The following ZBED4 variants were observed in gnomAD, a reference collection of about 807,000 sequenced individuals.
ZBED4 encodes the protein zinc finger BED domain-containing protein 4.
ZBED4 carries 4 observed loss-of-function variants against 15.5 expected under a neutral mutation model. That is an observed-to-expected ratio of 0.26 (90% CI 0.13 to 0.59). The LOEUF is 0.59. Among genes scored for constraint, ZBED4 ranks in the 20% least tolerant of loss-of-function variants. The pLI is 0.90. For synonymous variants in ZBED4, 692 were observed against 608.5 expected, an observed-to-expected ratio of 1.14 and a Z score of -2.02; for missense variants, 1,323 against 1,461.8, an observed-to-expected ratio of 0.91 and a Z score of 1.55.
At position 49,884,838 on chromosome 22, in the gene ZBED4, G is replaced by A; in HGVS notation, c.1176G>A (p.Arg392=). The change falls in exon 2 of 2, where the codon AGG becomes AGA. Residue 392 remains arginine (R), a synonymous_variant. Transcript: ENST00000216268. ...ESPSASSSPD[R]LTEDLQSHLN... ...CTTCGGCCTCCTCCTCCCCTGACAG[G>A]CTGACTGAGGACTTGCAGTCTCACT... 6.2e-7 allele frequency: 1 copy of A among 1,610,502 alleles called. No homozygotes were observed. Among genetic ancestry groups the A allele is most frequent in the Non-Finnish European group, 8.5e-7 (1 of 1,177,396 alleles).
chr22:49,856,263 C>T (rs1258486463), intron 1 of ZBED4, among the ~76,000 whole-genome samples: 2 of 152,196 alleles, frequency 1.3e-5, no homozygotes, highest in Non-Finnish European at 2.9e-5. Flanking sequence ...CTGCTGGGGC[C>T]ATGGTGGTTT....
intron 1 of ZBED4, among the ~76,000 whole-genome samples, chr22:49,873,609 T>C (rs891589582): frequency 6.6e-6 from 1 of 151,258 alleles, no homozygotes; most frequent in South Asian, 2.1e-4. Flanking sequence ...TGGACGTGCT[T>C]GATGCAGGAT....
At chr22:49,875,571 C>G (rs993181699) in intron 1 of ZBED4, among the ~76,000 whole-genome samples, 1 of 151,914 alleles carries the variant, frequency 6.6e-6, no homozygotes, top group Non-Finnish European at 1.5e-5. Flanking sequence ...CAGGTGCGCA[C>G]CACCACGCCC....
At chr22:49,870,411 C>T (rs898057500) in intron 1 of ZBED4, among the ~76,000 whole-genome samples, 4 of 152,196 alleles carry the variant, frequency 2.6e-5, no homozygotes, top group East Asian at 3.8e-4. Flanking sequence ...CACTGCTCTC[C>T]GCAGTGGCTG....
At chr22:49,871,762 T>TTTA (rs1555923879) in intron 1 of ZBED4, among the ~76,000 whole-genome samples, 1 of 149,178 alleles carries the variant, frequency 6.7e-6, no homozygotes, top group Non-Finnish European at 1.5e-5. Flanking sequence ...TATTTATTTT[T>TTTA]TTTTTTTTTT....
At chr22:49,859,556 C>T (rs545547075) in intron 1 of ZBED4, among the ~76,000 whole-genome samples, 1 of 152,220 alleles carries the variant, frequency 6.6e-6, no homozygotes, top group East Asian at 1.9e-4. Context: ...GCCTGGGTTC[C>T]TTTTAGTGCA....
intron 1 of ZBED4, among the ~76,000 whole-genome samples, chr22:49,856,609 A>C (rs1210431001): frequency 6.6e-6 from 1 of 152,196 alleles, no homozygotes; most frequent in Non-Finnish European, 1.5e-5. Context: ...GGGGACATGC[A>C]GCCTAAATGA....
chr22:49,856,058 A>G (rs1263201367), intron 1 of ZBED4, among the ~76,000 whole-genome samples: 2 of 152,176 alleles, frequency 1.3e-5, no homozygotes, highest in Non-Finnish European at 2.9e-5. Flanking sequence ...CCAGCCTTCC[A>G]GGCCCTTCTG....
chr22:49,857,941 T>G (rs1015771763), intron 1 of ZBED4, among the ~76,000 whole-genome samples: 2 of 151,100 alleles, frequency 1.3e-5, no homozygotes, highest in African/African-American at 4.9e-5. Context: ...TTTTTGCATT[T>G]TTAGTAGAGA....
chr22:49,875,521 A>C (rs1339315615), intron 1 of ZBED4, among the ~76,000 whole-genome samples: 1 of 151,216 alleles, frequency 6.6e-6, no homozygotes, highest in Non-Finnish European at 1.5e-5. Context: ...CCCGGGTTCC[A>C]GGGATTCTCC....
intron 1 of ZBED4, among the ~76,000 whole-genome samples, chr22:49,858,896 G>A (rs900550599): frequency 6.6e-6 from 1 of 152,202 alleles, no homozygotes; most frequent in South Asian, 2.1e-4. Flanking sequence ...TGATCTGGCG[G>A]TGGGAGGCCT....
intron 1 of ZBED4, among the ~76,000 whole-genome samples, chr22:49,859,768 G>A (rs2060289154): frequency 6.6e-6 from 1 of 152,232 alleles, no homozygotes. Context: ...GCTCACACCT[G>A]TAATCTCAGC....
rs748858192 is a variant in ZBED4 at position 49,886,599 on chromosome 22, C to G, written c.2937C>G (p.Asp979Glu). ...EMLFEETMGI[D>E]TMLRSLKEAM... ...TCTTCGAGGAGACGATGGGCATCGA[C>G]ACCATGCTGCGCTCTCTGAAGGAGG... Residue 979 changes from aspartate (D) to glutamate (E), a missense_variant, in exon 2 of 2, where the codon GAC (aspartate) becomes GAG (glutamate). By Grantham distance (45) the Asp-to-Glu change is conservative. This residue lies in a region of ZBED4 where 312 missense variants were observed against 410.7 expected (regional missense o/e 0.76). Transcript: ENST00000216268. This position sits in a 1 kb window ranked among gnomAD's most constrained non-coding sequence, Gnocchi z 7.7. The G allele has an allele frequency of 1.3e-6, 2 of 1,563,018 alleles. No homozygotes were observed. The highest frequency in any genetic ancestry group is 2.7e-5 in the African/African-American group (2 of 73,554).
At position 49,861,279 on chromosome 22, in the gene ZBED4, C is replaced by G. The variant is rs184435341; in HGVS notation, c.-330+7290C>G. On this transcript the variant is annotated intron_variant, in intron 1 of 1. Transcript: ENST00000216268. ...GCCTCAGCCTCCTGAGTAGCTGGGA[C>G]TACAGGCACCCGCCACCACGCCCAG... Among the ~76,000 whole-genome samples the G allele has an allele frequency of 4.2e-3, 635 of 151,906 alleles. 1 individual carries two copies. Among genetic ancestry groups the G allele is most frequent in the Non-Finnish European group, 5.8e-3 (393 of 67,958 alleles).
chr22:49,877,376 C>T (rs1347566406), intron 1 of ZBED4, among the ~76,000 whole-genome samples: 1 of 152,072 alleles, frequency 6.6e-6, no homozygotes, highest in African/African-American at 2.4e-5. Flanking sequence ...ACTGCAACCT[C>T]CGCCTCCCAG....
chr22:49,884,132 T>G lies in ZBED4; in HGVS notation c.470T>G (p.Leu157Arg). Reference protein sequence around the residue: ...KNEKDLSTSCLMRHVRRAHPT... With the variant: ...KNEKDLSTSCRMRHVRRAHPT... The stretch of plus-strand genomic sequence containing the variant: ...GAGAAAGACTTGAGTACCAGTTGTC[T>G]CATGAGGCACGTGAGGCGCGCACAC... The change falls in exon 2 of 2, where the codon CTC (leucine) becomes CGC (arginine). Residue 157 changes from leucine (L) to arginine (R), a missense_variant. Physicochemically the swap from Leu to Arg is moderately radical, Grantham distance 102. This residue lies in a region of ZBED4 where 380 missense variants were observed against 413.7 expected (regional missense o/e 0.92). Transcript: ENST00000216268. 1 of 1,613,800 alleles carries G rather than the reference T, an allele frequency of 6.2e-7. No homozygotes were observed. Among genetic ancestry groups the G allele is most frequent in the Non-Finnish European group, 8.5e-7 (1 of 1,179,920 alleles).
At chr22:49,868,377 C>T (rs571332510) in intron 1 of ZBED4, among the ~76,000 whole-genome samples, 9 of 152,244 alleles carry the variant, frequency 5.9e-5, no homozygotes, top group East Asian at 3.9e-4. Context: ...ATCAGGAGTT[C>T]GACACCAGCC....
intron 1 of ZBED4, among the ~76,000 whole-genome samples, chr22:49,869,494 T>G (rs191106755): frequency 2.0e-5 from 3 of 152,340 alleles, no homozygotes; most frequent in Admixed American, 2.0e-4. Context: ...CTGATGGTGT[T>G]TTTTAGTTCC....
chr22:49,859,410 T>C (rs2060287830), intron 1 of ZBED4, among the ~76,000 whole-genome samples: 1 of 152,190 alleles, frequency 6.6e-6, no homozygotes, highest in Non-Finnish European at 1.5e-5. Context: ...ATGTGACTAG[T>C]TGGGAGCCCC....
Sources: gnomAD v4.1 joint callset for allele counts (sites outside exome capture counted in the v4.1 genomes callset) on GRCh38, gnomAD v4.1.1 for gene constraint, gnomAD v4.1.1 regional missense constraint, Gnocchi (gnomAD v3.1) non-coding constraint, MANE v1.5 for transcripts, NCBI Gene and HGNC (gene_info 2026-07-23, HGNC 2026-07-21) for gene names.